STK24: variants seen among roughly 807,000 people sequenced by gnomAD.
STK24 encodes serine/threonine kinase 24, also known as serine/threonine-protein kinase 24.
Under a neutral mutation model 55.6 loss-of-function variants are expected in STK24, and 21 were observed. That is an observed-to-expected ratio of 0.38 (90% CI 0.27 to 0.54). The LOEUF is 0.54. Among genes scored for constraint, STK24 ranks in the 20% least tolerant of loss-of-function variants. STK24 has a pLI of 0.79. For synonymous variants in STK24, 200 were observed against 215.2 expected (o/e 0.93, Z 0.62); for missense variants, 383 against 538.4 (o/e 0.71, Z 2.86).
At chr13:98,534,835 C>A (rs976965684) in intron 1 of STK24, among the ~76,000 whole-genome samples, 1 of 152,248 alleles carries the variant, frequency 6.6e-6, no homozygotes, top group Non-Finnish European at 1.5e-5. Context: ...CCTTAAAAAT[C>A]CCAATCTCCA....
chr13:98,575,961 A>G, intron 1 of STK24: 1 of 908,318 alleles, frequency 1.1e-6, no homozygotes, highest in East Asian at 1.2e-4. Flanking sequence ...CACTCCCCAA[A>G]AAGTCACTGG....
At chr13:98,569,832 T>C (rs578150010) in intron 1 of STK24, among the ~76,000 whole-genome samples, 10 of 137,240 alleles carry the variant, frequency 7.3e-5, no homozygotes, top group Middle Eastern at 3.7e-3. Context: ...CCAAAGTCTA[T>C]AGACAATGCC....
chr13:98,538,010 A>G (rs2139414466), intron 1 of STK24, among the ~76,000 whole-genome samples: 1 of 152,074 alleles, frequency 6.6e-6, no homozygotes, highest in South Asian at 2.1e-4. Flanking sequence ...GGCAGGGCCT[A>G]CCTTGTAGAT....
intron 1 of STK24, among the ~76,000 whole-genome samples, chr13:98,552,332 T>C (rs1359347905): frequency 1.3e-5 from 2 of 152,066 alleles, no homozygotes; most frequent in South Asian, 2.1e-4. Context: ...GGGTACCAAA[T>C]TGATCAGAAA....
At chr13:98,507,979 G>C (rs9513434) in intron 2 of STK24, among the ~76,000 whole-genome samples, 38,793 of 151,448 alleles carry the variant, frequency 0.26, 5,152 homozygotes, top group Non-Finnish European at 0.3. Context: ...ATGCAACAGG[G>C]AAAGTACCAA....
chr13:98,503,092 A>G (rs1895550708), intron 2 of STK24, among the ~76,000 whole-genome samples: 1 of 139,034 alleles, frequency 7.2e-6, no homozygotes, highest in East Asian at 2.1e-4. Flanking sequence ...TAGGGGCTCC[A>G]GGCATAAACT....
intron 1 of STK24, among the ~76,000 whole-genome samples, chr13:98,574,742 AAC>A (rs961637660): frequency 1.3e-5 from 2 of 152,220 alleles, no homozygotes; most frequent in African/African-American, 4.8e-5. Flanking sequence ...ACAAAATAAA[AAC>A]AGTTCCCATG....
At chr13:98,478,780 A>G (rs1894477871) in intron 3 of STK24, among the ~76,000 whole-genome samples, 1 of 152,172 alleles carries the variant, frequency 6.6e-6, no homozygotes, top group Non-Finnish European at 1.5e-5. Context: ...TTAGATTCCA[A>G]GGTTGTCCCT....
At position 98,452,176 on chromosome 13, in the gene STK24, TTA is replaced by T. The variant is rs1181498637; in HGVS notation, c.*995_*996del. 2 of 152,120 alleles carry T rather than the reference TTA, an allele frequency of 1.3e-5. No individual in the cohort carries two copies. The highest frequency in any genetic ancestry group is 2.9e-5 in the Non-Finnish European group (2 of 68,034). 9.4% of individuals were successfully genotyped at this position (152,120 alleles called of 1,614,324 possible). On this transcript the variant is annotated 3_prime_UTR_variant, in exon 11 of 11. Transcript: ENST00000539966. ...ATGCAAAATAAGCGTGTTATAAAAT[TTA>T]TTTGTGTAAGCATTCAGACATTTTT...
rs1432268524 is a variant in STK24, at chr13:98,451,631, TC to T, written c.*1541del. On this transcript the variant is annotated 3_prime_UTR_variant, in exon 11 of 11. Coordinates refer to ENST00000539966, the MANE Select transcript of STK24 (RefSeq NM_001032296.4). Reference sequence around the variant, plus strand: ...TAGACCAGCAGATAGCTGAGCTACATCCCCAAGCTCACCCACTAACTTCCTT... The same window carrying T: ...TAGACCAGCAGATAGCTGAGCTACATCCCAAGCTCACCCACTAACTTCCTT... 1.3e-5 allele frequency: 2 copies of T among 152,260 alleles called. No homozygotes were observed. Among genetic ancestry groups the T allele is most frequent in the African/African-American group, 4.8e-5 (2 of 41,538 alleles). The allele number at this position is 152,260 out of a possible 1,614,324, so 9.4% of individuals were successfully genotyped here. A position where few individuals can be genotyped will look rare whatever the true frequency, so the allele number is the denominator to read the frequency against.
intron 10 of STK24, chr13:98,456,925 G>A: frequency 1.7e-6 from 1 of 572,846 alleles, no homozygotes; most frequent in Non-Finnish European, 3.1e-6. Flanking sequence ...GTATTTATGT[G>A]GCAAAAGCTA....
chr13:98,541,598 G>T (rs1385817801), intron 1 of STK24, among the ~76,000 whole-genome samples: 1 of 152,116 alleles, frequency 6.6e-6, no homozygotes, highest in African/African-American at 2.4e-5. Context: ...TCTTATTTTT[G>T]ACTTAGAAGC....
intron 2 of STK24, 55 bp downstream of exon 2, chr13:98,519,188 C>G (rs1896173908): frequency 9.7e-6 from 14 of 1,437,836 alleles, no homozygotes; most frequent in Admixed American, 1.7e-5. Flanking sequence ...CCATTCCCTG[C>G]TGGCACCTCA....
At chr13:98,550,657 T>C (rs183748762) in intron 1 of STK24, among the ~76,000 whole-genome samples, 1 of 152,320 alleles carries the variant, frequency 6.6e-6, no homozygotes, top group African/African-American at 2.4e-5. Flanking sequence ...GGTGGTCCCA[T>C]GAAAGCTCAG....
chr13:98,520,550 A>C (rs554179062), intron 1 of STK24, among the ~76,000 whole-genome samples: 1 of 152,324 alleles, frequency 6.6e-6, no homozygotes, highest in South Asian at 2.1e-4. Flanking sequence ...GGAGGTAAAG[A>C]AAGAGAATGA....
chr13:98,543,598 G>A (rs1057392426), intron 1 of STK24, among the ~76,000 whole-genome samples: 12 of 152,198 alleles, frequency 7.9e-5, no homozygotes, highest in African/African-American at 2.9e-4. Context: ...TCGCTGCAGA[G>A]AGACAGAGAA....
intron 3 of STK24, among the ~76,000 whole-genome samples, chr13:98,476,245 C>CA (rs1555303363): frequency 6.9e-6 from 1 of 145,790 alleles, no homozygotes; most frequent in Non-Finnish European, 1.5e-5. Context: ...GGGAAGCCCC[C>CA]CCCCGCCCCC....
At chr13:98,545,234 G>T (rs543448300) in intron 1 of STK24, among the ~76,000 whole-genome samples, 1 of 152,218 alleles carries the variant, frequency 6.6e-6, no homozygotes, top group African/African-American at 2.4e-5. Flanking sequence ...TTAACAGTAT[G>T]TTCTCTCTGT....
Position 98,448,187 on chromosome 13 carries a change from G to A in STK24, c.*4986C>T, listed in dbSNP as rs752571790. On this transcript the variant is annotated 3_prime_UTR_variant, in exon 11 of 11. Coordinates refer to ENST00000539966, the MANE Select transcript of STK24 (RefSeq NM_001032296.4). Reference sequence around the variant, plus strand: ...GTAAGCGATGCCCACCAAAGTGTCAGGAGTCCGTCCAAACAAAAGGTTGAC... The same window carrying A: ...GTAAGCGATGCCCACCAAAGTGTCAAGAGTCCGTCCAAACAAAAGGTTGAC... 4.0e-6 allele frequency: 6 copies of A among 1,494,174 alleles called. No homozygotes were observed. The highest frequency in any genetic ancestry group is 3.4e-5 in the South Asian group (3 of 88,536). 92.6% of individuals were successfully genotyped at this position (1,494,174 alleles called of 1,614,324 possible).
Sources: allele counts gnomAD v4.1 joint callset (sites outside exome capture counted in the v4.1 genomes callset), GRCh38; gene constraint gnomAD v4.1.1; transcripts MANE v1.5; gene names NCBI Gene and HGNC (gene_info 2026-07-23, HGNC 2026-07-21).